The following PLEKHA5 variants were observed in gnomAD, a reference collection of about 807,000 sequenced individuals.
The protein encoded by PLEKHA5 is pleckstrin homology domain containing A5.
A neutral mutation model predicts 181.9 loss-of-function variants in PLEKHA5; 55 were observed. The ratio of observed to expected loss-of-function variants is 0.30; its 90% CI spans 0.24 to 0.38. The LOEUF is 0.38. PLEKHA5 is among the 10% of genes least tolerant of loss of function. The pLI is 1.00. For missense variants in PLEKHA5, 1,432 were observed against 1,549.5 expected, an observed-to-expected ratio of 0.92 and a Z score of 1.27; for synonymous variants, 535 against 529.4, an observed-to-expected ratio of 1.01 and a Z score of -0.15.
rs1253679490 is a variant in PLEKHA5, at chr12:19,253,064, C to T, written c.228-876C>T. 7.2e-4 allele frequency among the ~76,000 whole-genome samples: 33 copies of T among 45,868 alleles called. 1 individual carries two copies. Among genetic ancestry groups the T allele is most frequent in the Non-Finnish European group, 9.1e-4 (20 of 21,898 alleles). The allele number at this position is 45,868 out of a possible 152,430, so 30.1% of individuals were successfully genotyped here. On this transcript the variant is annotated intron_variant, in intron 3 of 31. Transcript: ENST00000429027. ...GAGCTAAACAGCCAAATCAACTTAC[C>T]TTTTTTTTTTTTTTTTTTTTTTTTT...
At chr12:19,279,793 A>G (rs2152771478) in intron 11 of PLEKHA5, among the ~76,000 whole-genome samples, 1 of 152,200 alleles carries the variant, frequency 6.6e-6, no homozygotes, top group East Asian at 1.9e-4. Flanking sequence ...TTAATAGGAA[A>G]GCAAGAATCA....
chr12:19,215,576 TATAATC>T (rs1402729587), intron 3 of PLEKHA5, among the ~76,000 whole-genome samples: 1 of 152,214 alleles, frequency 6.6e-6, no homozygotes, highest in Non-Finnish European at 1.5e-5. Context: ...TTTGAAATCA[TATAATC>T]ATATTCTTCT....
At chr12:19,327,707 C>T (rs984115813) in intron 20 of PLEKHA5, among the ~76,000 whole-genome samples, 17 of 146,976 alleles carry the variant, frequency 1.2e-4, no homozygotes, top group African/African-American at 3.5e-4. Context: ...TGCAGTGGCG[C>T]GATCTTTGCT....
At chr12:19,326,677 C>T (rs1217020737) in intron 20 of PLEKHA5, among the ~76,000 whole-genome samples, 1 of 152,154 alleles carries the variant, frequency 6.6e-6, no homozygotes, top group African/African-American at 2.4e-5. Flanking sequence ...GCCCATCACC[C>T]AGGTACCTAG....
chr12:19,334,830 ATATATATATATATATAT>A lies in PLEKHA5; in HGVS notation c.2449-1684_2449-1668del, dbSNP rs1460066396. ...AATCCTGTCTTCACAAAAAAAAAAA[ATATATATATATATATAT>A]ATATATATATATATATATATATCTC... On this transcript the variant is annotated intron_variant, in intron 20 of 31. Coordinates refer to ENST00000429027, the MANE Select transcript of PLEKHA5 (RefSeq NM_001256470.2). Among the ~76,000 whole-genome samples the A allele has an allele frequency of 2.7e-4, 10 of 36,992 alleles. 3 individuals carry two copies. The highest frequency in any genetic ancestry group is 7.2e-4 in the African/African-American group (10 of 13,840). 24.3% of individuals were successfully genotyped at this position (36,992 alleles called of 152,430 possible).
At chr12:19,320,825 T>A (rs1009477722) in intron 18 of PLEKHA5, 3 of 332,712 alleles carry the variant, frequency 9.0e-6, no homozygotes, top group African/African-American at 2.1e-5. Context: ...CAGTCCAACG[T>A]TATTAAGCAT....
intron 20 of PLEKHA5, among the ~76,000 whole-genome samples, chr12:19,335,908 A>C (rs535781670): frequency 1.3e-5 from 2 of 152,184 alleles, no homozygotes; most frequent in Non-Finnish European, 2.9e-5. Context: ...CTGAGATTAC[A>C]GATGTGAGCC....
intron 3 of PLEKHA5, chr12:19,205,310 T>G: frequency 2.2e-6 from 2 of 898,996 alleles, no homozygotes; most frequent in Non-Finnish European, 2.7e-6. Context: ...AGTTTTCTTA[T>G]AGTGGAAAGA....
At chr12:19,247,038 G>C (rs1316701704) in intron 3 of PLEKHA5, among the ~76,000 whole-genome samples, 2 of 152,118 alleles carry the variant, frequency 1.3e-5, no homozygotes, top group African/African-American at 4.8e-5. Context: ...ATGAGAGAAT[G>C]TGTGCATGGT....
At chr12:19,302,463 T>G (rs11044481) in intron 15 of PLEKHA5, among the ~76,000 whole-genome samples, 81,665 of 152,088 alleles carry the variant, frequency 0.54, 25,973 homozygotes, top group Non-Finnish European at 0.73. Flanking sequence ...TGGCATGATT[T>G]TGGCTCACTG....
At chr12:19,355,528 T>C (rs1333598835) in intron 26 of PLEKHA5, among the ~76,000 whole-genome samples, 1 of 151,946 alleles carries the variant, frequency 6.6e-6, no homozygotes, top group African/African-American at 2.4e-5. Context: ...AATTTTTTTT[T>C]CTTTTTTATT....
At chr12:19,161,107 A>G (rs1458239440) in intron 3 of PLEKHA5, among the ~76,000 whole-genome samples, 5 of 152,192 alleles carry the variant, frequency 3.3e-5, no homozygotes, top group African/African-American at 1.2e-4. Context: ...TAGTAGAGCT[A>G]TATTAATATT....
intron 17 of PLEKHA5, 139 bp downstream of exon 17, chr12:19,320,195 C>A: frequency 2.5e-6 from 1 of 402,284 alleles, no homozygotes; most frequent in Admixed American, 4.5e-5. Flanking sequence ...TTGAACTATG[C>A]TTAATTTAAG....
chr12:19,255,892 A>G (rs1458804618), intron 5 of PLEKHA5, among the ~76,000 whole-genome samples: 2 of 151,156 alleles, frequency 1.3e-5, no homozygotes, highest in African/African-American at 4.8e-5. Context: ...TTGAAAAAAA[A>G]AAAAAAAGAA....
chr12:19,163,782 A>G (rs914906520), intron 3 of PLEKHA5, among the ~76,000 whole-genome samples: 1 of 152,186 alleles, frequency 6.6e-6, no homozygotes, highest in African/African-American at 2.4e-5. Context: ...AGTCCTCAGT[A>G]AACACTCAGT....
At chr12:19,289,988 G>A (rs1366107735) in intron 13 of PLEKHA5, among the ~76,000 whole-genome samples, 9 of 151,924 alleles carry the variant, frequency 5.9e-5, no homozygotes, top group Admixed American at 5.3e-4. Context: ...TGTCGCCCAG[G>A]TTGGAATGCA....
intron 15 of PLEKHA5, among the ~76,000 whole-genome samples, chr12:19,311,428 G>A (rs1049383422): frequency 6.8e-6 from 1 of 148,050 alleles, no homozygotes; most frequent in Non-Finnish European, 1.5e-5. Flanking sequence ...GGGCAACAGA[G>A]CAAAACTCTG....
chr12:19,319,653 G>C (rs749384682), intron 16 of PLEKHA5: 1 of 175,066 alleles, frequency 5.7e-6, no homozygotes, highest in East Asian at 1.8e-4. Context: ...CTGTGTTTTT[G>C]TTATTTTCTC....
At chr12:19,148,985 A>G (rs555096643) in intron 3 of PLEKHA5, among the ~76,000 whole-genome samples, 4 of 152,226 alleles carry the variant, frequency 2.6e-5, no homozygotes, top group African/African-American at 9.6e-5. Context: ...AAACATTATT[A>G]TTGGTAGTAG....
Sources: gnomAD v4.1 joint callset for allele counts (sites outside exome capture counted in the v4.1 genomes callset) on GRCh38, gnomAD v4.1.1 for gene constraint, MANE v1.5 for transcripts, NCBI Gene and HGNC (gene_info 2026-07-23, HGNC 2026-07-21) for gene names.